Variants in ATP6V1A observed in about 807,000 individuals in gnomAD.
The protein encoded by ATP6V1A is ATPase H+ transporting V1 subunit A.
A neutral mutation model predicts 70.1 loss-of-function variants in ATP6V1A; 18 were observed. The ratio of observed to expected loss-of-function variants is 0.26; its 90% CI spans 0.18 to 0.38. ATP6V1A has a LOEUF of 0.38. Ranked by LOEUF, ATP6V1A falls within the 10% of genes least tolerant of loss-of-function variation. The probability of loss-of-function intolerance (pLI) is 1.00; values close to 1 mark genes in which losing one functional copy is unlikely to be tolerated. For missense variants in ATP6V1A, 424 were observed against 772.4 expected (o/e 0.55, Z 5.35); for synonymous variants, 232 against 253.8 (o/e 0.91, Z 0.82).
chr3:113,758,649 G>C (rs1708670217), intron 1 of ATP6V1A, among the ~76,000 whole-genome samples: 1 of 152,164 alleles, frequency 6.6e-6, no homozygotes. Flanking sequence ...GAACATTCAT[G>C]TAAGTCTTTG....
At chr3:113,769,270 T>G (rs1708806587) in intron 1 of ATP6V1A, among the ~76,000 whole-genome samples, 1 of 152,236 alleles carries the variant, frequency 6.6e-6, no homozygotes, top group African/African-American at 2.4e-5. Context: ...CATAAAAATA[T>G]TAAACAGATT....
chr3:113,772,933 CTTTTTTTTTTTTT>C (rs762901487), intron 1 of ATP6V1A, among the ~76,000 whole-genome samples: 1 of 90,428 alleles, frequency 1.1e-5, no homozygotes, highest in Non-Finnish European at 2.1e-5. Context: ...TTAATATTGG[CTTTTTTTTTTTTT>C]TTTTTTTTTG....
At chr3:113,794,789 T>C in intron 8 of ATP6V1A, 83 bp from the exon 9 acceptor site, 1 of 1,476,972 alleles carries the variant, frequency 6.8e-7, no homozygotes, top group Non-Finnish European at 9.1e-7. Context: ...TACTTATTGC[T>C]TTAAGGTTTT....
chr3:113,800,664 A>T (rs1233871924), intron 12 of ATP6V1A, among the ~76,000 whole-genome samples: 2 of 152,258 alleles, frequency 1.3e-5, no homozygotes, highest in Non-Finnish European at 1.5e-5. Flanking sequence ...GTTTGATAGA[A>T]AACAAATATT....
rs1171281791 is a variant in ATP6V1A, at chr3:113,809,462, C to T, written c.*35C>T. 5.1e-6 allele frequency: 8 copies of T among 1,566,986 alleles called. No homozygotes were observed. In the South Asian group the frequency reaches 7.8e-5, roughly 15 times the overall value. On this transcript the variant is annotated 3_prime_UTR_variant, in exon 15 of 15. Transcript: ENST00000273398. The stretch of plus-strand genomic sequence containing the variant: ...AGATTACAACTGTGATTTCCTTTTC[C>T]TCAGCAAGCTCCTATGTGTATATTT...
intron 6 of ATP6V1A, among the ~76,000 whole-genome samples, chr3:113,787,669 G>A (rs940359139): frequency 6.6e-6 from 1 of 152,186 alleles, no homozygotes; most frequent in Non-Finnish European, 1.5e-5. Flanking sequence ...TTATTTGCAT[G>A]TGTAACTTTT....
rs1425388580 is a variant in ATP6V1A, at chr3:113,810,991, A to G, written c.*1564A>G. ...CAGAATCTGGGTCACATGAAAAAAA[A>G]TCATTTTATCCGTCTTTTAAGTATA... is the stretch of plus-strand genomic sequence containing the variant. On this transcript the variant is annotated 3_prime_UTR_variant, in exon 15 of 15. Transcript: ENST00000273398. 2 of 152,218 alleles carry G rather than the reference A, an allele frequency of 1.3e-5. No individual in the cohort carries two copies. The highest frequency in any genetic ancestry group is 2.9e-5 in the Non-Finnish European group (2 of 68,048). The allele number at this position is 152,218 out of a possible 1,614,324, so 9.4% of individuals were successfully genotyped here. A position where few individuals can be genotyped will look rare whatever the true frequency, so the allele number is the denominator to read the frequency against.
At chr3:113,772,466 G>A (rs1383250289) in intron 1 of ATP6V1A, among the ~76,000 whole-genome samples, 1 of 152,256 alleles carries the variant, frequency 6.6e-6, no homozygotes. Context: ...CATGGCTCAC[G>A]CCTGTAATCC....
intron 13 of ATP6V1A, among the ~76,000 whole-genome samples, chr3:113,805,014 C>T (rs1453725958): frequency 2.6e-5 from 4 of 152,130 alleles, no homozygotes; most frequent in African/African-American, 9.7e-5. Context: ...CTGCATTGTA[C>T]AAAAACAAAC....
At chr3:113,795,510 G>C (rs1436845075) in intron 10 of ATP6V1A, among the ~76,000 whole-genome samples, 1 of 151,554 alleles carries the variant, frequency 6.6e-6, no homozygotes. Flanking sequence ...TTGCATCACG[G>C]TAAAAAGAAA....
intron 1 of ATP6V1A, among the ~76,000 whole-genome samples, chr3:113,766,795 A>G (rs2108016373): frequency 6.6e-6 from 1 of 152,284 alleles, no homozygotes; most frequent in South Asian, 2.1e-4. Context: ...AAGTAATTGC[A>G]GTTTTTGCCA....
intron 1 of ATP6V1A, among the ~76,000 whole-genome samples, chr3:113,762,332 G>A (rs995042098): frequency 1.3e-5 from 2 of 151,880 alleles, no homozygotes; most frequent in Non-Finnish European, 2.9e-5. Flanking sequence ...ACTTTGGGAG[G>A]CCAAAGCGGG....
chr3:113,785,702 C>G lies in ATP6V1A; in HGVS notation c.565-530C>G, dbSNP rs865955598. Among the ~76,000 whole-genome samples, 8 of 149,570 alleles carry G rather than the reference C, an allele frequency of 5.3e-5. No individual in the cohort carries two copies. In the Middle Eastern group the frequency reaches 0.017, roughly 320 times the overall value. On this transcript the variant is annotated intron_variant, in intron 5 of 14. Coordinates refer to ENST00000273398, the MANE Select transcript of ATP6V1A (RefSeq NM_001690.4). ...TTTTTTTTTTTGAGATGGACTCTTGCTCTGTCACCAGGCTAGAGTGCAGTG... is the reference window on the plus strand; with the variant it reads ...TTTTTTTTTTTGAGATGGACTCTTGGTCTGTCACCAGGCTAGAGTGCAGTG...
chr3:113,790,258 G>A (rs1163513242), intron 8 of ATP6V1A, among the ~76,000 whole-genome samples: 15 of 142,352 alleles, frequency 1.1e-4, no homozygotes, highest in South Asian at 2.2e-4. Context: ...AGCCGAGATC[G>A]CGCCACTGCA....
intron 3 of ATP6V1A, among the ~76,000 whole-genome samples, chr3:113,782,860 G>A (rs886882394): frequency 9.9e-5 from 15 of 151,854 alleles, no homozygotes; most frequent in South Asian, 2.1e-4. Context: ...CTGACCTCAC[G>A]ATCCACCTGC....
intron 1 of ATP6V1A, among the ~76,000 whole-genome samples, chr3:113,750,639 T>A (rs1285651689): frequency 1.3e-5 from 2 of 152,208 alleles, no homozygotes; most frequent in African/African-American, 4.8e-5. Flanking sequence ...ACAGTGTACT[T>A]AAGTAAGGTT....
At chr3:113,784,654 A>G (rs1460599428) in intron 4 of ATP6V1A, 42 bp from the exon 5 acceptor site, 2 of 1,604,388 alleles carry the variant, frequency 1.2e-6, no homozygotes, top group East Asian at 2.2e-5. Flanking sequence ...AGTCTACTTG[A>G]CATTTATTTG....
In ATP6V1A at chr3:113,783,599, G is replaced by T. The variant is rs77103482; in HGVS notation, c.212-625G>T. Among the ~76,000 whole-genome samples the T allele has an allele frequency of 4.5e-3, 678 of 152,286 alleles. 3 individuals carry two copies. The highest frequency in any genetic ancestry group is 0.015 in the African/African-American group (625 of 41,562). ...TTCCCAAACTTTGCAGAGTCATTCT[G>T]AGAAGCTGCAGCAAACTCATGTGGT... On this transcript the variant is annotated intron_variant, in intron 3 of 14. Coordinates refer to ENST00000273398, the MANE Select transcript of ATP6V1A (RefSeq NM_001690.4).
At chr3:113,771,364 T>A (rs950261037) in intron 1 of ATP6V1A, among the ~76,000 whole-genome samples, 6 of 151,928 alleles carry the variant, frequency 3.9e-5, no homozygotes, top group African/African-American at 1.5e-4. Context: ...CAGGTCACCA[T>A]AGTATGTCTA....
Sources: allele counts gnomAD v4.1 joint callset (sites outside exome capture counted in the v4.1 genomes callset), GRCh38; gene constraint gnomAD v4.1.1; transcripts MANE v1.5; gene names NCBI Gene and HGNC (gene_info 2026-07-23, HGNC 2026-07-21).